HINT3: variants seen among roughly 807,000 people sequenced by gnomAD.
HINT3 encodes the protein histidine triad nucleotide binding protein 3.
HINT3 carries 16 observed loss-of-function variants against 19.1 expected under a neutral mutation model. The observed-to-expected ratio is 0.84, with a 90% CI of 0.57 to 1.27. HINT3 has a LOEUF of 1.27. Among genes scored for constraint, HINT3 ranks in the 50% most tolerant of loss-of-function variants. The probability of loss-of-function intolerance (pLI) is 0.00; values close to 1 mark genes in which losing one functional copy is unlikely to be tolerated. For missense variants in HINT3, 197 were observed against 225.8 expected (o/e 0.87, Z 0.82); for synonymous variants, 75 against 84.8 (o/e 0.88, Z 0.63).
chr6:125,977,215 C>T (rs1447994975), intron 4 of HINT3, among the ~76,000 whole-genome samples: 1 of 152,106 alleles, frequency 6.6e-6, no homozygotes, highest in Non-Finnish European at 1.5e-5. Context: ...GCTGCCTATT[C>T]ATCCCTCTTT....
rs747798435 is a variant in HINT3, at chr6:125,957,079, C to T, written c.102C>T (p.Ala34=). 2.6e-6 allele frequency: 4 copies of T among 1,550,850 alleles called. No individual in the cohort carries two copies. In the South Asian group the frequency reaches 3.6e-5, roughly 14 times the overall value. The change falls in exon 1 of 5, where the codon GCC becomes GCT. Residue 34 remains alanine, a synonymous_variant. Transcript: ENST00000229633. ...TTVSSVGTCE[A]AGKSPEPKDY... ...TTTCCTCAGTGGGGACCTGTGAAGCCGCTGGCAAGTCACCAGAGCCCAAGG... is the reference window on the plus strand; with the variant it reads ...TTTCCTCAGTGGGGACCTGTGAAGCTGCTGGCAAGTCACCAGAGCCCAAGG...
Position 125,973,065 on chromosome 6 carries a change from C to CTTTTTTTT in HINT3, c.389+758_389+765dup, listed in dbSNP as rs869084942. ...AAGCACATGATGTTCAATTTTTCAACTTTTTTTTTTTTTTTTTTTTTTTTT... is the reference window on the plus strand; with the variant it reads ...AAGCACATGATGTTCAATTTTTCAACTTTTTTTTTTTTTTTTTTTTTTTTTTTTTTTTT... On this transcript the variant is annotated intron_variant, in intron 3 of 4. Transcript: ENST00000229633. 5.9e-4 allele frequency among the ~76,000 whole-genome samples: 44 copies of CTTTTTTTT among 74,482 alleles called. 7 individuals are homozygous for CTTTTTTTT. Among genetic ancestry groups the CTTTTTTTT allele is most frequent in the African/African-American group, 1.8e-3 (33 of 18,660 alleles). 48.9% of individuals were successfully genotyped at this position (74,482 alleles called of 152,430 possible). A position where few individuals can be genotyped will look rare whatever the true frequency, so the allele number is the denominator to read the frequency against.
At chr6:125,976,682 G>A (rs1349779638) in intron 4 of HINT3, among the ~76,000 whole-genome samples, 2 of 151,096 alleles carry the variant, frequency 1.3e-5, no homozygotes, top group Non-Finnish European at 2.9e-5. Flanking sequence ...TTTTTTACTT[G>A]GAAAACATCT....
intron 1 of HINT3, among the ~76,000 whole-genome samples, chr6:125,965,961 G>T (rs770361180): frequency 2.0e-5 from 3 of 152,022 alleles, no homozygotes; most frequent in Non-Finnish European, 2.9e-5. Flanking sequence ...TGGATATGAC[G>T]CACTTGTTTG....
At chr6:125,970,443 G>A (rs1489098283) in intron 2 of HINT3, among the ~76,000 whole-genome samples, 3 of 152,126 alleles carry the variant, frequency 2.0e-5, no homozygotes, top group Non-Finnish European at 4.4e-5. Flanking sequence ...AGCAGAAGTG[G>A]AGAATAGAGG....
intron 1 of HINT3, among the ~76,000 whole-genome samples, chr6:125,958,153 A>G (rs1788868484): frequency 6.6e-6 from 1 of 152,096 alleles, no homozygotes; most frequent in Non-Finnish European, 1.5e-5. Context: ...ATGAAGAAAT[A>G]AGTAGGAGTT....
At chr6:125,977,090 T>C (rs1175289736) in intron 4 of HINT3, among the ~76,000 whole-genome samples, 2 of 152,206 alleles carry the variant, frequency 1.3e-5, no homozygotes, top group Non-Finnish European at 2.9e-5. Context: ...CATAGTTTAC[T>C]TTTGAGTTGA....
intron 1 of HINT3, among the ~76,000 whole-genome samples, chr6:125,962,648 A>G (rs1379049419): frequency 6.6e-6 from 1 of 152,212 alleles, no homozygotes; most frequent in East Asian, 1.9e-4. Flanking sequence ...CAGCATCATG[A>G]GGGGTTAGTC....
At position 125,979,088 on chromosome 6, in the gene HINT3, A is replaced by C. The variant is rs1329679605; in HGVS notation, c.*1412A>C. On this transcript the variant is annotated 3_prime_UTR_variant, in exon 5 of 5. Coordinates refer to ENST00000229633, the MANE Select transcript of HINT3 (RefSeq NM_138571.5). Reference sequence around the variant, plus strand: ...GGGTGGTAGTAGAACTGAGTATTCAAGACTGAATGTTAGGCAGGTAGACAG... The same window carrying C: ...GGGTGGTAGTAGAACTGAGTATTCACGACTGAATGTTAGGCAGGTAGACAG... 1 of 152,204 alleles carries C rather than the reference A, an allele frequency of 6.6e-6. No homozygotes were observed. Among genetic ancestry groups the C allele is most frequent in the Admixed American group, 6.5e-5 (1 of 15,286 alleles). 9.4% of individuals were successfully genotyped at this position (152,204 alleles called of 1,614,324 possible). A position where few individuals can be genotyped will look rare whatever the true frequency, so the allele number is the denominator to read the frequency against.
chr6:125,971,702 CTTTTTTTTTT>C (rs142105115), intron 2 of HINT3, among the ~76,000 whole-genome samples: 14 of 59,628 alleles, frequency 2.3e-4, no homozygotes, highest in Admixed American at 8.0e-4. Flanking sequence ...GCCTGGCTAC[CTTTTTTTTTT>C]TTTTTTTTTT....
chr6:125,963,521 C>T lies in HINT3; in HGVS notation c.202-3366C>T, dbSNP rs116780081. On this transcript the variant is annotated intron_variant, in intron 1 of 4. Transcript: ENST00000229633. ...TTTAAAGAAATCTGAAACAGTTATT[C>T]GTTGTATTTAAATTGTTTATTAGAG... 1.3e-3 allele frequency among the ~76,000 whole-genome samples: 205 copies of T among 152,184 alleles called. 1 individual carries two copies. Among genetic ancestry groups the T allele is most frequent in the African/African-American group, 4.6e-3 (193 of 41,516 alleles).
In HINT3 at chr6:125,966,896, C is replaced by A. The variant is rs1789025457; in HGVS notation, c.211C>A (p.Leu71Ile). 2 of 1,607,194 alleles carry A rather than the reference C, an allele frequency of 1.2e-6. No homozygotes were observed. The highest frequency in any genetic ancestry group is 8.5e-7 in the Non-Finnish European group (1 of 1,175,932). Residue 71 changes from leucine to isoleucine, a missense_variant, in exon 2 of 5, where the codon CTA (leucine) becomes ATA (isoleucine). Coordinates refer to ENST00000229633, the MANE Select transcript of HINT3 (RefSeq NM_138571.5). ...ATGTTTTTTCCTTTAGAATGAGGAC[C>A]TAATTTGCTTCAAAGATATCAAACC... ...TELLHCENED[L>I]ICFKDIKPAA...
intron 2 of HINT3, 38 bp downstream of exon 2, chr6:125,967,042 T>C: frequency 7.8e-7 from 1 of 1,284,690 alleles, no homozygotes; most frequent in South Asian, 1.2e-5. Flanking sequence ...TTATATCATT[T>C]TCAGTTGGTA....
intron 1 of HINT3, among the ~76,000 whole-genome samples, chr6:125,957,737 G>T (rs1788860973): frequency 6.6e-6 from 1 of 152,176 alleles, no homozygotes; most frequent in East Asian, 1.9e-4. Flanking sequence ...TCCACTGTCA[G>T]TTGGGATGCG....
In HINT3 at chr6:125,960,655, TG is replaced by T. The variant is rs1310946166; in HGVS notation, c.201+3487del. On this transcript the variant is annotated intron_variant, in intron 1 of 4. Coordinates refer to ENST00000229633, the MANE Select transcript of HINT3 (RefSeq NM_138571.5). ...CTGGGTGACAGAGCAAGACTCTCTC[TG>T]GGGGGGGGGAAAAAAAAAGAAGTTA... is the stretch of plus-strand genomic sequence containing the variant. Among the ~76,000 whole-genome samples, 219 of 76,226 alleles carry T rather than the reference TG, an allele frequency of 2.9e-3. 18 individuals carry two copies. Among genetic ancestry groups the T allele is most frequent in the Middle Eastern group, 8.1e-3 (1 of 124 alleles). The allele number at this position is 76,226 out of a possible 152,430, so 50.0% of individuals were successfully genotyped here.
At chr6:125,970,304 A>G (rs980427781) in intron 2 of HINT3, among the ~76,000 whole-genome samples, 1 of 152,176 alleles carries the variant, frequency 6.6e-6, no homozygotes, top group Non-Finnish European at 1.5e-5. Flanking sequence ...GCTTATAACA[A>G]TTAGATCCAA....
At position 125,978,444 on chromosome 6, in the gene HINT3, T is replaced by C. The variant is rs994555475; in HGVS notation, c.*768T>C. 2 of 152,192 alleles carry C rather than the reference T, an allele frequency of 1.3e-5. No individual in the cohort carries two copies. Among genetic ancestry groups the C allele is most frequent in the African/African-American group, 4.8e-5 (2 of 41,470 alleles). The allele number at this position is 152,192 out of a possible 1,614,324, so 9.4% of individuals were successfully genotyped here. A position where few individuals can be genotyped will look rare whatever the true frequency, so the allele number is the denominator to read the frequency against. On this transcript the variant is annotated 3_prime_UTR_variant, in exon 5 of 5. Coordinates refer to ENST00000229633, the MANE Select transcript of HINT3 (RefSeq NM_138571.5). ...AATGTTGCTTTATGGCATGTTTTTG[T>C]ATCAAAGAGAAATCAGAGGTTAAAC...
intron 1 of HINT3, among the ~76,000 whole-genome samples, chr6:125,959,929 G>A (rs1788893518): frequency 6.6e-6 from 1 of 152,160 alleles, no homozygotes; most frequent in African/African-American, 2.4e-5. Flanking sequence ...TCACATTGTC[G>A]TTGCAGAAAA....
intron 1 of HINT3, among the ~76,000 whole-genome samples, chr6:125,958,886 G>A (rs1788878136): frequency 6.6e-6 from 1 of 152,160 alleles, no homozygotes; most frequent in Non-Finnish European, 1.5e-5. Flanking sequence ...TGTCAGAAGT[G>A]CCAAGGTTTA....
Sources: gnomAD v4.1 joint callset for allele counts (sites outside exome capture counted in the v4.1 genomes callset) on GRCh38, gnomAD v4.1.1 for gene constraint, MANE v1.5 for transcripts, NCBI Gene and HGNC (gene_info 2026-07-23, HGNC 2026-07-21) for gene names.